The following PDZD8 variants were observed in gnomAD, a reference collection of about 807,000 sequenced individuals.
The protein encoded by PDZD8 is PDZ domain containing 8.
Under a neutral mutation model 85.8 loss-of-function variants are expected in PDZD8, and 14 were observed. The observed-to-expected ratio is 0.16, with a 90% CI of 0.11 to 0.26. PDZD8 has a LOEUF of 0.26. Ranked by LOEUF, PDZD8 falls within the 10% of genes least tolerant of loss-of-function variation. The pLI, the probability that PDZD8 is intolerant of heterozygous loss-of-function variation, is 1.00. For missense variants in PDZD8, 1,197 were observed against 1,424.3 expected, an observed-to-expected ratio of 0.84 and a Z score of 2.57; for synonymous variants, 592 against 568.6, an observed-to-expected ratio of 1.04 and a Z score of -0.59.
intron 1 of PDZD8, among the ~76,000 whole-genome samples, chr10:117,355,141 C>T (rs1820510903): frequency 6.6e-6 from 1 of 152,158 alleles, no homozygotes; most frequent in African/African-American, 2.4e-5. Flanking sequence ...ACAATTCATA[C>T]ACAAGGCTCC....
intron 1 of PDZD8, among the ~76,000 whole-genome samples, chr10:117,355,272 A>G (rs1226033490): frequency 6.6e-6 from 1 of 152,074 alleles, no homozygotes; most frequent in African/African-American, 2.4e-5. Context: ...CTGAAGTTCT[A>G]CTTCAGTCGC....
intron 1 of PDZD8, among the ~76,000 whole-genome samples, chr10:117,358,575 T>C (rs1844941393): frequency 6.6e-6 from 1 of 152,184 alleles, no homozygotes; most frequent in Non-Finnish European, 1.5e-5. Flanking sequence ...CTTATCTTTC[T>C]CTTCCCTCTG....
chr10:117,310,684 T>C (rs963977914), intron 3 of PDZD8, among the ~76,000 whole-genome samples: 3 of 152,222 alleles, frequency 2.0e-5, no homozygotes, highest in Non-Finnish European at 4.4e-5. Flanking sequence ...GAGTCCCTAC[T>C]GTATTCACAA....
At position 117,278,479 on chromosome 10, in the gene PDZD8, T is replaced by C. The variant is rs1465752928; in HGVS notation, c.*4789A>G. ...CTAAGCATGACAACATTGATGTGCC[T>C]TTTCAGTGTAACAGCAAATACTGTT... is the stretch of plus-strand genomic sequence containing the variant. On this transcript the variant is annotated 3_prime_UTR_variant, in exon 5 of 5. Coordinates refer to ENST00000334464, the MANE Select transcript of PDZD8 (RefSeq NM_173791.5). The C allele has an allele frequency of 6.6e-6, 1 of 152,252 alleles. No homozygotes were observed. Among genetic ancestry groups the C allele is most frequent in the East Asian group, 1.9e-4 (1 of 5,202 alleles). The allele number at this position is 152,252 out of a possible 1,614,324, so 9.4% of individuals were successfully genotyped here.
Position 117,284,645 on chromosome 10 carries a change from G to A in PDZD8, c.2088C>T (p.Thr696=), listed in dbSNP as rs1388929232. 3 of 1,614,032 alleles carry A rather than the reference G, an allele frequency of 1.9e-6. No individual in the cohort carries two copies. Among genetic ancestry groups the A allele is most frequent in the Non-Finnish European group, 2.5e-6 (3 of 1,180,030 alleles). The change falls in exon 5 of 5, where the codon ACC becomes ACT. Residue 696 remains threonine (T), a synonymous_variant. Coordinates refer to ENST00000334464, the MANE Select transcript of PDZD8 (RefSeq NM_173791.5). ...YRNKLGKWTR[T]RASCLFDIEA... Reference sequence around the variant, plus strand: ...CTATGTCAAACAAACAGGATGCTCTGGTTCTTGTCCATTTTCCTAGCTTAT... The same window carrying A: ...CTATGTCAAACAAACAGGATGCTCTAGTTCTTGTCCATTTTCCTAGCTTAT...
intron 1 of PDZD8, among the ~76,000 whole-genome samples, chr10:117,344,117 G>A (rs981007798): frequency 6.6e-6 from 1 of 152,136 alleles, no homozygotes; most frequent in Non-Finnish European, 1.5e-5. Context: ...TCCTCCTGTA[G>A]AAAACTTAAA....
At chr10:117,362,067 A>G (rs1361245545) in intron 1 of PDZD8, among the ~76,000 whole-genome samples, 2 of 152,184 alleles carry the variant, frequency 1.3e-5, no homozygotes, top group Non-Finnish European at 2.9e-5. Flanking sequence ...ATAACTGTCC[A>G]GCTTTCTCCT....
At chr10:117,336,652 A>G (rs1564704220) in intron 2 of PDZD8, among the ~76,000 whole-genome samples, 1 of 152,154 alleles carries the variant, frequency 6.6e-6, no homozygotes, top group Admixed American at 6.5e-5. Context: ...AAAGACAAAA[A>G]AAAAGATGGG....
chr10:117,356,652 G>A (rs78425716), intron 1 of PDZD8, among the ~76,000 whole-genome samples: 44 of 152,320 alleles, frequency 2.9e-4, no homozygotes, highest in African/African-American at 7.9e-4. Context: ...TTAGGCTGGT[G>A]TGATAAGAGA....
intron 2 of PDZD8, among the ~76,000 whole-genome samples, chr10:117,325,701 C>A (rs1844305030): frequency 6.6e-6 from 1 of 152,102 alleles, no homozygotes. Flanking sequence ...CCACGCCCAG[C>A]CAAAACTATG....
At chr10:117,297,780 G>T (rs1025464992) in intron 3 of PDZD8, among the ~76,000 whole-genome samples, 15 of 152,112 alleles carry the variant, frequency 9.9e-5, no homozygotes, top group African/African-American at 3.6e-4. Context: ...CTATCTTGAT[G>T]AAGGTAGAGG....
At position 117,300,698 on chromosome 10, in the gene PDZD8, G is replaced by A. The variant is rs1231326713; in HGVS notation, c.1099-10350C>T. On this transcript the variant is annotated intron_variant, in intron 3 of 4. Transcript: ENST00000334464. The stretch of plus-strand genomic sequence containing the variant: ...ACCCCCTAACATGATTGTATTAGGA[G>A]ATGGGGTCTTTGGGAGATGATTAGG... 2.0e-5 allele frequency among the ~76,000 whole-genome samples: 3 copies of A among 152,174 alleles called. No homozygotes were observed. The East Asian group carries it at 5.8e-4, about 29-fold the overall frequency.
chr10:117,319,433 A>T (rs1249762582), intron 2 of PDZD8, among the ~76,000 whole-genome samples: 25 of 23,000 alleles, frequency 1.1e-3, no homozygotes, highest in African/African-American at 1.4e-3. Context: ...ACACACACAC[A>T]CTCTTCATCT....
chr10:117,345,617 T>G (rs1476033052), intron 1 of PDZD8, among the ~76,000 whole-genome samples: 1 of 152,058 alleles, frequency 6.6e-6, no homozygotes, highest in East Asian at 1.9e-4. Context: ...CTAAAGTGTC[T>G]GGTTTCCAAG....
At chr10:117,325,625 A>C (rs1844303546) in intron 2 of PDZD8, among the ~76,000 whole-genome samples, 1 of 151,340 alleles carries the variant, frequency 6.6e-6, no homozygotes, top group East Asian at 1.9e-4. Flanking sequence ...CTGGTTTCAA[A>C]CTCCTGGCCT....
At chr10:117,318,214 T>A (rs1471628724) in intron 3 of PDZD8, among the ~76,000 whole-genome samples, 1 of 152,220 alleles carries the variant, frequency 6.6e-6, no homozygotes. Context: ...TGCTCCAGTG[T>A]CATCTCTTTA....
intron 1 of PDZD8, among the ~76,000 whole-genome samples, chr10:117,345,511 C>A (rs908883706): frequency 6.6e-6 from 1 of 152,070 alleles, no homozygotes; most frequent in African/African-American, 2.4e-5. Context: ...GTGTACTGTA[C>A]TAAAATAATC....
At chr10:117,336,932 C>T (rs1844525417) in intron 2 of PDZD8, among the ~76,000 whole-genome samples, 1 of 151,324 alleles carries the variant, frequency 6.6e-6, no homozygotes, top group African/African-American at 2.4e-5. Context: ...CCAGTGAGAC[C>T]AAACACCCTA....
rs141601993 is a variant in PDZD8 at position 117,371,437 on chromosome 10, A to T, written c.872+2919T>A. 2.0e-5 allele frequency among the ~76,000 whole-genome samples: 3 copies of T among 152,300 alleles called. No homozygotes were observed. In the East Asian group the frequency reaches 5.8e-4, roughly 29 times the overall value. ...TGACCTTAAGTAATCCGCCTGTCTC[A>T]GCCTTACAAAGTGCTGGGATCACAG... On this transcript the variant is annotated intron_variant, in intron 1 of 4. Transcript: ENST00000334464.
Sources: gnomAD v4.1 joint callset for allele counts (sites outside exome capture counted in the v4.1 genomes callset) on GRCh38, gnomAD v4.1.1 for gene constraint, MANE v1.5 for transcripts, NCBI Gene and HGNC (gene_info 2026-07-23, HGNC 2026-07-21) for gene names.